NXPH1: variants seen among roughly 807,000 people sequenced by gnomAD.
The protein encoded by NXPH1 is neurexophilin 1.
NXPH1 carries 5 observed loss-of-function variants against 23.7 expected under a neutral mutation model. The ratio of observed to expected loss-of-function variants is 0.21; its 90% CI spans 0.11 to 0.44. The LOEUF (loss-of-function observed/expected upper bound fraction) is 0.44, where lower values mean the gene tolerates loss of function less well. Among genes scored for constraint, NXPH1 ranks in the 20% least tolerant of loss-of-function variants. NXPH1 has a pLI of 0.99. For synonymous variants in NXPH1, 144 were observed against 122.2 expected (o/e 1.18, Z -1.18); for missense variants, 324 against 321.6 (o/e 1.01, Z -0.06).
intron 2 of NXPH1, among the ~76,000 whole-genome samples, chr7:8,562,132 A>G (rs1045830609): frequency 6.6e-6 from 1 of 151,676 alleles, no homozygotes; most frequent in Non-Finnish European, 1.5e-5. Flanking sequence ...TTACCATTTT[A>G]CAGATAGGAA....
intron 2 of NXPH1, among the ~76,000 whole-genome samples, chr7:8,461,196 T>C (rs1420219424): frequency 6.6e-6 from 1 of 152,152 alleles, no homozygotes; most frequent in Non-Finnish European, 1.5e-5. Flanking sequence ...CAGTCTCTAA[T>C]TGTTCAGTTT....
At chr7:8,643,234 C>T (rs77846394) in intron 2 of NXPH1, among the ~76,000 whole-genome samples, 6 of 152,088 alleles carry the variant, frequency 3.9e-5, no homozygotes, top group Non-Finnish European at 5.9e-5. Flanking sequence ...TGATAAATAG[C>T]TGGTACATTT....
At chr7:8,682,029 A>G (rs1461130312) in intron 2 of NXPH1, among the ~76,000 whole-genome samples, 1 of 152,152 alleles carries the variant, frequency 6.6e-6, no homozygotes, top group Non-Finnish European at 1.5e-5. Context: ...GGAGGAAGAG[A>G]AGTGAAGGGT....
intron 2 of NXPH1, among the ~76,000 whole-genome samples, chr7:8,632,065 C>A (rs1383784381): frequency 6.6e-6 from 1 of 152,130 alleles, no homozygotes; most frequent in Non-Finnish European, 1.5e-5. Context: ...CCTGTAAGTT[C>A]AGCTTTGAGA....
In NXPH1 at chr7:8,751,710, C is replaced by G; in HGVS notation, c.757C>G (p.Gln253Glu). The change falls in exon 3 of 3, where the codon CAG becomes GAG. Residue 253 changes from glutamine (Q) to glutamate (E), a missense_variant. By Grantham distance (29) the Gln-to-Glu change is conservative. Transcript: ENST00000405863. The surrounding 1 kb of genome is among the most constrained non-coding windows in gnomAD (Gnocchi z 4.5). ...SFYSTDYKLV[Q>E]KVCPDYNYHS... ...TTATAGTACAGATTATAAACTGGTA[C>G]AGAAAGTGTGCCCTGACTACAACTA... 6.2e-7 allele frequency: 1 copy of G among 1,612,750 alleles called. No individual in the cohort carries two copies. The highest frequency in any genetic ancestry group is 8.5e-7 in the Non-Finnish European group (1 of 1,179,402).
At chr7:8,555,227 A>C (rs1383969862) in intron 2 of NXPH1, among the ~76,000 whole-genome samples, 1 of 151,682 alleles carries the variant, frequency 6.6e-6, no homozygotes, top group Non-Finnish European at 1.5e-5. Context: ...AGTGGGAGTT[A>C]TTTTCTGCTC....
chr7:8,740,909 T>A (rs1256271422), intron 2 of NXPH1, among the ~76,000 whole-genome samples: 1 of 152,182 alleles, frequency 6.6e-6, no homozygotes, highest in Non-Finnish European at 1.5e-5. Context: ...GTGTATGTAG[T>A]GAGAACTCTC....
At chr7:8,728,862 T>A (rs1166874417) in intron 2 of NXPH1, among the ~76,000 whole-genome samples, 3 of 152,110 alleles carry the variant, frequency 2.0e-5, no homozygotes, top group Non-Finnish European at 4.4e-5. Context: ...ATAAAATGAG[T>A]TAGGGAGGAT....
chr7:8,489,257 G>A (rs1259231669), intron 2 of NXPH1, among the ~76,000 whole-genome samples: 1 of 151,996 alleles, frequency 6.6e-6, no homozygotes, highest in Non-Finnish European at 1.5e-5. Context: ...TCTGGAAAGG[G>A]GGTGGCCTTC....
chr7:8,735,461 C>G (rs532837758), intron 2 of NXPH1, among the ~76,000 whole-genome samples: 1 of 152,258 alleles, frequency 6.6e-6, no homozygotes, highest in Non-Finnish European at 1.5e-5. Flanking sequence ...GTATGTTGAA[C>G]CAGCCTTGCA....
At chr7:8,436,908 C>T (rs1314010219) in intron 2 of NXPH1, among the ~76,000 whole-genome samples, 1 of 152,178 alleles carries the variant, frequency 6.6e-6, no homozygotes, top group Non-Finnish European at 1.5e-5. Flanking sequence ...CGGCCGTTGC[C>T]CTGGTGCATG....
At chr7:8,527,677 G>A (rs896870411) in intron 2 of NXPH1, among the ~76,000 whole-genome samples, 1 of 152,200 alleles carries the variant, frequency 6.6e-6, no homozygotes, top group Admixed American at 6.5e-5. Flanking sequence ...TGGCAGGAGA[G>A]AAATGAACTT....
chr7:8,439,573 T>C (rs1452226920), intron 2 of NXPH1, among the ~76,000 whole-genome samples: 1 of 152,238 alleles, frequency 6.6e-6, no homozygotes. Context: ...AGGAATTAAA[T>C]TGCTAATAAT....
chr7:8,710,809 C>G (rs1317918809), intron 2 of NXPH1, among the ~76,000 whole-genome samples: 1 of 137,948 alleles, frequency 7.2e-6, no homozygotes, highest in Non-Finnish European at 1.5e-5. Context: ...ACTACAGGCG[C>G]CCGCCACCGC....
intron 2 of NXPH1, among the ~76,000 whole-genome samples, chr7:8,573,925 G>A (rs1469902396): frequency 6.6e-6 from 1 of 152,050 alleles, no homozygotes; most frequent in Admixed American, 6.5e-5. Context: ...CTCCTGGAAG[G>A]TAAAAAGTGC....
At chr7:8,688,090 T>G (rs1821174247) in intron 2 of NXPH1, among the ~76,000 whole-genome samples, 1 of 152,122 alleles carries the variant, frequency 6.6e-6, no homozygotes, top group Admixed American at 6.6e-5. Flanking sequence ...ATGTACATTA[T>G]GACTTGCTTC....
intron 2 of NXPH1, among the ~76,000 whole-genome samples, chr7:8,687,022 A>G (rs941326146): frequency 6.6e-6 from 1 of 152,142 alleles, no homozygotes; most frequent in Non-Finnish European, 1.5e-5. Context: ...GTCATTGTTC[A>G]TATAATGTAG....
chr7:8,650,664 A>G lies in NXPH1; in HGVS notation c.55-100344A>G, dbSNP rs535181317. Among the ~76,000 whole-genome samples, 11 of 152,294 alleles carry G rather than the reference A, an allele frequency of 7.2e-5. No individual in the cohort carries two copies. In the South Asian group the frequency reaches 2.3e-3, roughly 32 times the overall value. On this transcript the variant is annotated intron_variant, in intron 2 of 2. Transcript: ENST00000405863. ...ATGACAATCATGTGGCCTCTTGCTC[A>G]GTCTCTTTAGTTGCCACATGGCAAC...
intron 2 of NXPH1, among the ~76,000 whole-genome samples, chr7:8,475,138 C>G (rs985763099): frequency 1.3e-5 from 2 of 152,136 alleles, no homozygotes; most frequent in Non-Finnish European, 2.9e-5. Flanking sequence ...TTCACCTCTA[C>G]ATTCCTAGAT....
Sources: gnomAD v4.1 joint callset for allele counts (sites outside exome capture counted in the v4.1 genomes callset) on GRCh38, gnomAD v4.1.1 for gene constraint, Gnocchi (gnomAD v3.1) non-coding constraint, MANE v1.5 for transcripts, NCBI Gene and HGNC (gene_info 2026-07-23, HGNC 2026-07-21) for gene names.